RUNDC3A: variants seen among roughly 807,000 people sequenced by gnomAD.
The protein encoded by RUNDC3A is RUN domain-containing protein 3A.
In RUNDC3A, 28 loss-of-function variants were observed where a neutral mutation model predicts 53.9. The ratio of observed to expected loss-of-function variants is 0.52; its 90% CI spans 0.38 to 0.71. The LOEUF (loss-of-function observed/expected upper bound fraction) is 0.71. Among genes scored for constraint, RUNDC3A ranks in the 30% least tolerant of loss-of-function variants. The pLI is 0.00. For missense variants in RUNDC3A, 491 were observed against 597.3 expected (o/e 0.82, Z 1.85); for synonymous variants, 232 against 249.4 (o/e 0.93, Z 0.66).
intron 4 of RUNDC3A, 180 bp from the exon 5 acceptor site, chr17:44,314,555 G>C: frequency 7.0e-7 from 1 of 1,437,304 alleles, no homozygotes. Flanking sequence ...TAGGTGATGG[G>C]GCCACAGGTG....
At position 44,315,342 on chromosome 17, in the gene RUNDC3A, G is replaced by A. The variant is rs777378122; in HGVS notation, c.795+22G>A. On this transcript the variant is annotated intron_variant, in intron 7 of 10. Transcript: ENST00000426726. The surrounding 1 kb of genome is among the most constrained non-coding windows in gnomAD (Gnocchi z 6.1). ...GAAGGTGCGCGACGCCGGCGGGCCC[G>A]GGGGGCGGGCGGGCCGGGCGGGGGA... is the stretch of plus-strand genomic sequence containing the variant. The A allele has an allele frequency of 6.7e-6, 9 of 1,348,894 alleles. No homozygotes were observed. The highest frequency in any genetic ancestry group is 8.6e-6 in the Non-Finnish European group (9 of 1,042,972). The allele number at this position is 1,348,894 out of a possible 1,614,324, so 83.6% of individuals were successfully genotyped here.
chr17:44,318,020 C>T (rs898797464), intron 10 of RUNDC3A, 76 bp from the exon 11 acceptor site: 2 of 1,438,808 alleles, frequency 1.4e-6, no homozygotes, highest in Admixed American at 4.1e-5. Flanking sequence ...GAGGGCTGCC[C>T]CTTCACTGCC....
Position 44,308,789 on chromosome 17 carries a change from G to T in RUNDC3A, c.-44G>T, listed in dbSNP as rs758202314. 5 of 1,370,440 alleles carry T rather than the reference G, an allele frequency of 3.6e-6. No homozygotes were observed. Among genetic ancestry groups the T allele is most frequent in the South Asian group, 1.3e-5 (1 of 74,978 alleles). The allele number at this position is 1,370,440 out of a possible 1,614,324, so 84.9% of individuals were successfully genotyped here. A position where few individuals can be genotyped will look rare whatever the true frequency, so the allele number is the denominator to read the frequency against. ...GCGACGGGTTTGGGGCTCCGGGAGG[G>T]GTGGGGGGGCAGCGGGCGGCGGCAG... On this transcript the variant is annotated 5_prime_UTR_variant, in exon 1 of 11. Coordinates refer to ENST00000426726, the MANE Select transcript of RUNDC3A (RefSeq NM_001144825.2).
intron 1 of RUNDC3A, among the ~76,000 whole-genome samples, 152 bp from the exon 2 acceptor site, chr17:44,312,428 T>C (rs772946133): frequency 6.6e-6 from 1 of 152,008 alleles, no homozygotes; most frequent in Non-Finnish European, 1.5e-5. Context: ...ATGGTCACTG[T>C]AGTCTTGCCT....
chr17:44,312,780 G>T (rs1204616650), intron 2 of RUNDC3A, 85 bp downstream of exon 2: 13 of 572,970 alleles, frequency 2.3e-5, no homozygotes, highest in Non-Finnish European at 3.0e-5. Flanking sequence ...TCCCCCAGCG[G>T]TCCCTCCCCA....
rs1042425329 is a variant in RUNDC3A at position 44,318,601 on chromosome 17, T to C, written c.*363T>C. The C allele has an allele frequency of 1.6e-5, 4 of 245,828 alleles. No individual in the cohort carries two copies. The highest frequency in any genetic ancestry group is 3.2e-5 in the Non-Finnish European group (4 of 123,960). The allele number at this position is 245,828 out of a possible 1,614,324, so 15.2% of individuals were successfully genotyped here. On this transcript the variant is annotated 3_prime_UTR_variant, in exon 11 of 11. Transcript: ENST00000426726. ...AGTCTCTAGCCTCTCCATCTGTCTG[T>C]GTATGGCCTGGAGTCACTCCTTCCT...
At position 44,315,926 on chromosome 17, in the gene RUNDC3A, A is replaced by G. The variant is rs910004043; in HGVS notation, c.953+317A>G. Among the ~76,000 whole-genome samples, 2 of 151,970 alleles carry G rather than the reference A, an allele frequency of 1.3e-5. No individual in the cohort carries two copies. The highest frequency in any genetic ancestry group is 2.4e-5 in the African/African-American group (1 of 41,342). On this transcript the variant is annotated intron_variant, in intron 8 of 10. Coordinates refer to ENST00000426726, the MANE Select transcript of RUNDC3A (RefSeq NM_001144825.2). This position sits in a 1 kb window ranked among gnomAD's most constrained non-coding sequence, Gnocchi z 6.1. ...CAAGGACCTGCGGTGTTGCTCTGCA[A>G]CCTTCAACACGATTGCATTCATCGC...
rs758580209 is a variant in RUNDC3A, at chr17:44,314,686, G to A, written c.459-49G>A. 3.4e-6 allele frequency: 4 copies of A among 1,187,756 alleles called. No homozygotes were observed. In the African/African-American group the frequency reaches 4.4e-5, roughly 13 times the overall value. 73.6% of individuals were successfully genotyped at this position (1,187,756 alleles called of 1,614,324 possible). A position where few individuals can be genotyped will look rare whatever the true frequency, so the allele number is the denominator to read the frequency against. ...ACAATAGCAGCTCTGGGGGGGGGGGGGGCGCTCCAGGGGCCTGCTGCATCC... is the reference window on the plus strand; with the variant it reads ...ACAATAGCAGCTCTGGGGGGGGGGGAGGCGCTCCAGGGGCCTGCTGCATCC... On this transcript the variant is annotated intron_variant, in intron 4 of 10. Coordinates refer to ENST00000426726, the MANE Select transcript of RUNDC3A (RefSeq NM_001144825.2).
rs114349681 is a variant in RUNDC3A at position 44,310,858 on chromosome 17, G to A, written c.108-1722G>A. ...GGAAATCAAGCTGGCAGGAGGGTGC[G>A]CATAGTGAAGCTGGAATAATGCCCC... On this transcript the variant is annotated intron_variant, in intron 1 of 10. Transcript: ENST00000426726. 4,413 of 985,410 alleles carry A rather than the reference G, an allele frequency of 4.5e-3. 44 individuals carry two copies. Among genetic ancestry groups the A allele is most frequent in the African/African-American group, 0.03 (1,735 of 57,334 alleles). 61.0% of individuals were successfully genotyped at this position (985,410 alleles called of 1,614,324 possible). A position where few individuals can be genotyped will look rare whatever the true frequency, so the allele number is the denominator to read the frequency against.
intron 4 of RUNDC3A, 64 bp from the exon 5 acceptor site, chr17:44,314,671 C>T (rs1475086407): frequency 1.4e-6 from 1 of 708,138 alleles, no homozygotes; most frequent in Non-Finnish European, 2.1e-6. Flanking sequence ...ACAATAGCAG[C>T]TCTGGGGGGG....
At chr17:44,314,687 GGC>G (rs1598328187) in intron 4 of RUNDC3A, 46 bp from the exon 5 acceptor site, 44 of 1,134,750 alleles carry the variant, frequency 3.9e-5, no homozygotes, top group South Asian at 1.9e-4. Context: ...GGGGGGGGGG[GGC>G]GCTCCAGGGG....
rs572489965 is a variant in RUNDC3A at position 44,318,509 on chromosome 17, C to T, written c.*271C>T. 3.3e-4 allele frequency: 152 copies of T among 467,372 alleles called. No homozygotes were observed. Among genetic ancestry groups the T allele is most frequent in the Non-Finnish European group, 5.0e-4 (129 of 255,894 alleles). 29.0% of individuals were successfully genotyped at this position (467,372 alleles called of 1,614,324 possible). A position where few individuals can be genotyped will look rare whatever the true frequency, so the allele number is the denominator to read the frequency against. Reference sequence around the variant, plus strand: ...TGCTCCATTCTTCTGGTGACCTTGGCGCTCCTTCACTCATCTCCCCTGCCC... The same window carrying T: ...TGCTCCATTCTTCTGGTGACCTTGGTGCTCCTTCACTCATCTCCCCTGCCC... On this transcript the variant is annotated 3_prime_UTR_variant, in exon 11 of 11. Coordinates refer to ENST00000426726, the MANE Select transcript of RUNDC3A (RefSeq NM_001144825.2).
At position 44,312,593 on chromosome 17, in the gene RUNDC3A, A is replaced by G; in HGVS notation, c.121A>G (p.Thr41Ala). 6.4e-7 allele frequency: 1 copy of G among 1,570,232 alleles called. No homozygotes were observed. Among genetic ancestry groups the G allele is most frequent in the African/African-American group, 1.4e-5 (1 of 73,752 alleles). Residue 41 changes from threonine (T) to alanine (A), a missense_variant, in exon 2 of 11, where the codon ACG (threonine) becomes GCG (alanine). Physicochemically the swap from Thr to Ala is moderately conservative, Grantham distance 58. Coordinates refer to ENST00000426726, the MANE Select transcript of RUNDC3A (RefSeq NM_001144825.2). Reference protein sequence around the residue: ...LITVCRFSVKTLLEKYTAEPI... With the variant: ...LITVCRFSVKALLEKYTAEPI... Reference sequence around the variant, plus strand: ...CTCGCCGCCCAGGTTCTCTGTGAAAACGCTGCTGGAGAAGTACACAGCGGA... The same window carrying G: ...CTCGCCGCCCAGGTTCTCTGTGAAAGCGCTGCTGGAGAAGTACACAGCGGA...
chr17:44,308,716 T>G lies in RUNDC3A; in HGVS notation c.-117T>G. The G allele has an allele frequency of 3.6e-6, 2 of 549,206 alleles. No homozygotes were observed. The highest frequency in any genetic ancestry group is 6.0e-6 in the Non-Finnish European group (2 of 333,972). 34.0% of individuals were successfully genotyped at this position (549,206 alleles called of 1,614,324 possible). On this transcript the variant is annotated 5_prime_UTR_variant, in exon 1 of 11. It removes an upstream start codon present in the reference 5' UTR. Coordinates refer to ENST00000426726, the MANE Select transcript of RUNDC3A (RefSeq NM_001144825.2). ...GGGCGCAAAGGCAGGGGGATGGCCA[T>G]GGAAGGGTTGAGGGGCCCCGTCGGA...
chr17:44,310,166 T>G (rs573873610), intron 1 of RUNDC3A: 1 of 152,448 alleles, frequency 6.6e-6, no homozygotes, highest in South Asian at 2.1e-4. Context: ...AGGTCCTAGG[T>G]TCAAGCTCTT....
At chr17:44,316,819 TC>T (rs1356158184) in intron 10 of RUNDC3A, 94 bp downstream of exon 10, 47 of 581,048 alleles carry the variant, frequency 8.1e-5, no homozygotes, top group Non-Finnish European at 9.6e-5. Flanking sequence ...ATTCTCTTAG[TC>T]TTTTTTTTTT....
chr17:44,315,519 G>T lies in RUNDC3A; in HGVS notation c.863G>T (p.Arg288Leu). Residue 288 changes from arginine to leucine, a missense_variant, in exon 8 of 11, where the codon CGG (arginine) becomes CTG (leucine). Coordinates refer to ENST00000426726, the MANE Select transcript of RUNDC3A (RefSeq NM_001144825.2). The surrounding 1 kb of genome is among the most constrained non-coding windows in gnomAD (Gnocchi z 6.1). ...QLKDLEAENR[R>L]LQLQLEEAAA... Reference sequence around the variant, plus strand: ...AAGGACCTGGAGGCGGAGAACCGGCGGCTTCAGCTGCAGCTGGAGGAGGCG... The same window carrying T: ...AAGGACCTGGAGGCGGAGAACCGGCTGCTTCAGCTGCAGCTGGAGGAGGCG... The T allele has an allele frequency of 6.6e-7, 1 of 1,517,052 alleles. No homozygotes were observed. The highest frequency in any genetic ancestry group is 8.8e-7 in the Non-Finnish European group (1 of 1,132,960). 94.0% of individuals were successfully genotyped at this position (1,517,052 alleles called of 1,614,324 possible). A position where few individuals can be genotyped will look rare whatever the true frequency, so the allele number is the denominator to read the frequency against.
chr17:44,313,283 T>C (rs1460760927), intron 3 of RUNDC3A, 31 bp downstream of exon 3: 27 of 1,611,806 alleles, frequency 1.7e-5, no homozygotes, highest in Non-Finnish European at 2.3e-5. Flanking sequence ...AACTGCTCTC[T>C]GCTCTGGACA....
chr17:44,310,223 C>T (rs2047724051), intron 1 of RUNDC3A, among the ~76,000 whole-genome samples: 1 of 152,242 alleles, frequency 6.6e-6, no homozygotes, highest in Non-Finnish European at 1.5e-5. Context: ...CTCTTAACCA[C>T]TCTGGGCCTT....
Sources: allele counts gnomAD v4.1 joint callset (sites outside exome capture counted in the v4.1 genomes callset), GRCh38; gene constraint gnomAD v4.1.1; non-coding constraint Gnocchi (gnomAD v3.1); transcripts MANE v1.5; gene names NCBI Gene and HGNC (gene_info 2026-07-23, HGNC 2026-07-21).